ESRRG: variants seen among roughly 807,000 people sequenced by gnomAD.
The protein encoded by ESRRG is estrogen-related receptor gamma.
In ESRRG, 13 loss-of-function variants were observed where a neutral mutation model predicts 44.0. That is an observed-to-expected ratio of 0.30 (90% CI 0.19 to 0.47). The LOEUF (loss-of-function observed/expected upper bound fraction) is 0.47, where lower values mean the gene tolerates loss of function less well. Ranked by LOEUF, ESRRG falls within the 20% of genes least tolerant of loss-of-function variation. The probability of loss-of-function intolerance (pLI) is 1.00; values close to 1 mark genes in which losing one functional copy is unlikely to be tolerated. For missense variants in ESRRG, 395 were observed against 580.6 expected (o/e 0.68, Z 3.29); for synonymous variants, 215 against 214.6 (o/e 1.00, Z -0.02).
intron 2 of ESRRG, among the ~76,000 whole-genome samples, chr1:216,830,018 G>A (rs190203712): frequency 2.0e-5 from 3 of 152,210 alleles, no homozygotes; most frequent in African/African-American, 2.4e-5. Context: ...GCATCAAGGC[G>A]TTGACAGCAC....
intron 1 of ESRRG, among the ~76,000 whole-genome samples, chr1:217,067,224 C>G (rs963207717): frequency 6.6e-6 from 1 of 152,144 alleles, no homozygotes; most frequent in Non-Finnish European, 1.5e-5. Context: ...GTCTGTGCAA[C>G]ATAGCAAATG....
chr1:216,803,062 T>C (rs1342506800), intron 2 of ESRRG, among the ~76,000 whole-genome samples: 1 of 152,056 alleles, frequency 6.6e-6, no homozygotes, highest in Non-Finnish European at 1.5e-5. Flanking sequence ...TGGGCTCATA[T>C]TAGTAAAAAC....
At chr1:216,925,731 G>A (rs1261544557) in intron 2 of ESRRG, among the ~76,000 whole-genome samples, 3 of 151,524 alleles carry the variant, frequency 2.0e-5, no homozygotes, top group African/African-American at 2.4e-5. Context: ...AGGAAGGATC[G>A]CCTGAGGTCA....
At chr1:217,127,082 G>A (rs573375682) in intron 1 of ESRRG, among the ~76,000 whole-genome samples, 1 of 152,262 alleles carries the variant, frequency 6.6e-6, no homozygotes, top group South Asian at 2.1e-4. Context: ...TATACTCACG[G>A]TATATTGATT....
At chr1:216,746,954 A>G (rs144831149) in intron 2 of ESRRG, among the ~76,000 whole-genome samples, 107 of 152,280 alleles carry the variant, frequency 7.0e-4, no homozygotes, top group African/African-American at 2.4e-3. Flanking sequence ...TATATTCAAA[A>G]GACCTTAGAT....
intron 2 of ESRRG, among the ~76,000 whole-genome samples, chr1:216,847,019 G>A (rs756564332): frequency 6.6e-6 from 1 of 152,042 alleles, no homozygotes; most frequent in Non-Finnish European, 1.5e-5. Context: ...ATTCCTTCCA[G>A]GTAAATAATT....
At chr1:216,695,276 A>T (rs2079909425) in intron 1 of ESRRG, among the ~76,000 whole-genome samples, 1 of 152,084 alleles carries the variant, frequency 6.6e-6, no homozygotes, top group Non-Finnish European at 1.5e-5. Flanking sequence ...GGAAGTGGTT[A>T]CAAAAATCTC....
intron 2 of ESRRG, among the ~76,000 whole-genome samples, chr1:216,841,798 T>C (rs1287898911): frequency 6.6e-6 from 1 of 152,136 alleles, no homozygotes; most frequent in Non-Finnish European, 1.5e-5. Context: ...TTCATCTGGG[T>C]TCAGCAAATA....
intron 3 of ESRRG, among the ~76,000 whole-genome samples, chr1:216,597,513 T>C (rs1281113093): frequency 6.6e-6 from 1 of 152,120 alleles, no homozygotes; most frequent in East Asian, 1.9e-4. Flanking sequence ...TTTTCTAACA[T>C]GTGTTATGTA....
chr1:217,042,827 GAC>G (rs959892066), intron 1 of ESRRG, among the ~76,000 whole-genome samples: 4 of 152,072 alleles, frequency 2.6e-5, no homozygotes, highest in African/African-American at 9.7e-5. Flanking sequence ...GAACTCTGGT[GAC>G]ACAGCCAGGG....
chr1:216,533,356 C>G (rs2049981272), intron 5 of ESRRG, among the ~76,000 whole-genome samples: 1 of 152,020 alleles, frequency 6.6e-6, no homozygotes. Flanking sequence ...TTTGGGGATG[C>G]CTGTCAAAAC....
At chr1:217,056,090 C>T (rs2087028175) in intron 1 of ESRRG, among the ~76,000 whole-genome samples, 1 of 152,092 alleles carries the variant, frequency 6.6e-6, no homozygotes, top group Non-Finnish European at 1.5e-5. Flanking sequence ...TCCCTAAAAT[C>T]CTTTTTTGAG....
chr1:216,919,683 C>T lies in ESRRG; in HGVS notation c.-14+19899G>A, dbSNP rs150055945. Among the ~76,000 whole-genome samples the T allele has an allele frequency of 9.2e-4, 140 of 152,286 alleles. No homozygotes were observed. The Middle Eastern group carries it at 0.014, about 15-fold the overall frequency. The stretch of plus-strand genomic sequence containing the variant: ...ACAAGAAAAACTTGCATTGCATATC[C>T]GAATTAGTCTTGCATGGAGGAGAAA... On this transcript the variant is annotated intron_variant, in intron 2 of 7. Coordinates refer to the ESRRG transcript ENST00000359162.
chr1:217,111,193 G>GC (rs763963664), intron 1 of ESRRG, among the ~76,000 whole-genome samples: 3 of 152,224 alleles, frequency 2.0e-5, no homozygotes, highest in Admixed American at 6.5e-5. Flanking sequence ...TTCCCCCAGG[G>GC]CCCCCCTTAT....
intron 2 of ESRRG, among the ~76,000 whole-genome samples, chr1:216,734,482 G>A (rs1040794433): frequency 6.6e-6 from 1 of 152,082 alleles, no homozygotes; most frequent in Non-Finnish European, 1.5e-5. Context: ...AAATTTAAAA[G>A]TGTGTAGCAC....
intron 1 of ESRRG, among the ~76,000 whole-genome samples, chr1:217,124,487 A>C (rs2092863412): frequency 6.6e-6 from 1 of 152,184 alleles, no homozygotes; most frequent in Admixed American, 6.5e-5. Context: ...TAAGAAAAAC[A>C]AACAGTTCTG....
chr1:216,985,451 C>T (rs2074709304), intron 1 of ESRRG, among the ~76,000 whole-genome samples: 2 of 152,170 alleles, frequency 1.3e-5, no homozygotes, highest in Non-Finnish European at 1.5e-5. Context: ...AAAGTTGCTT[C>T]CTTCATAACT....
chr1:216,908,902 T>A (rs928507613), intron 2 of ESRRG, among the ~76,000 whole-genome samples: 2 of 151,996 alleles, frequency 1.3e-5, no homozygotes, highest in Non-Finnish European at 2.9e-5. Context: ...AGGGAACAAT[T>A]TTTTTTCAAT....
intron 2 of ESRRG, among the ~76,000 whole-genome samples, chr1:216,791,026 C>T (rs2094303032): frequency 6.6e-6 from 1 of 152,138 alleles, no homozygotes. Context: ...ATTTCTGTTA[C>T]TTGTAGTCAA....
Sources: allele counts gnomAD v4.1 joint callset (sites outside exome capture counted in the v4.1 genomes callset), GRCh38; gene constraint gnomAD v4.1.1; transcripts MANE v1.5; gene names NCBI Gene and HGNC (gene_info 2026-07-23, HGNC 2026-07-21).